PCDHGA1: variants seen among roughly 807,000 people sequenced by gnomAD.
The protein encoded by PCDHGA1 is protocadherin gamma subfamily A, 1, also known as protocadherin gamma-A1.
A neutral mutation model predicts 58.0 loss-of-function variants in PCDHGA1; 32 were observed. The observed-to-expected ratio is 0.55, with a 90% CI of 0.42 to 0.74. The LOEUF (loss-of-function observed/expected upper bound fraction) is 0.74, where lower values mean the gene tolerates loss of function less well. Among genes scored for constraint, PCDHGA1 ranks in the 30% least tolerant of loss-of-function variants. The pLI is 0.00. For synonymous variants in PCDHGA1, 498 were observed against 501.1 expected (o/e 0.99, Z 0.08); for missense variants, 1,205 against 1,182.3 (o/e 1.02, Z -0.28).
chr5:141,383,899 C>G (rs560928380), intron 1 of PCDHGA1: 10 of 1,613,958 alleles, frequency 6.2e-6, no homozygotes, highest in South Asian at 1.1e-5. Context: ...GGCAAAAGTA[C>G]TGATCACAGT....
intron 1 of PCDHGA1, among the ~76,000 whole-genome samples, chr5:141,406,857 A>T (rs1377435171): frequency 2.0e-5 from 3 of 152,244 alleles, no homozygotes; most frequent in Admixed American, 2.0e-4. Flanking sequence ...TTAAGAAAAT[A>T]TTCTCAGGAA....
chr5:141,414,377 C>T (rs2095740461), intron 1 of PCDHGA1: 1 of 1,613,760 alleles, frequency 6.2e-7, no homozygotes, highest in South Asian at 1.1e-5. Context: ...TTAGAAAAGT[C>T]CATTGACAGT....
chr5:141,368,187 G>A (rs80010247), intron 1 of PCDHGA1, among the ~76,000 whole-genome samples: 206 of 152,174 alleles, frequency 1.4e-3, no homozygotes, highest in African/African-American at 4.8e-3. Context: ...GACTAAATAA[G>A]GGGAAAAGGT....
chr5:141,371,202 G>A, intron 1 of PCDHGA1: 2 of 1,614,036 alleles, frequency 1.2e-6, no homozygotes, highest in Non-Finnish European at 1.7e-6. Flanking sequence ...CATTGACATG[G>A]ATGAGGGCAT....
In PCDHGA1 at chr5:141,512,470, T is replaced by G. The variant is rs2099884244; in HGVS notation, c.*1297T>G. On this transcript the variant is annotated 3_prime_UTR_variant, in exon 4 of 4. Transcript: ENST00000517417. ...TTCACCTTGCCAGGTGCCGTTTCTC[T>G]TCCGTGAAGGCCACTGCCCAGGTCC... 6.5e-6 allele frequency: 1 copy of G among 152,892 alleles called. No individual in the cohort carries two copies. The highest frequency in any genetic ancestry group is 2.1e-4 in the South Asian group (1 of 4,834). 9.5% of individuals were successfully genotyped at this position (152,892 alleles called of 1,614,324 possible).
chr5:141,503,372 G>A (rs1275544964), intron 2 of PCDHGA1, among the ~76,000 whole-genome samples: 1 of 151,968 alleles, frequency 6.6e-6, no homozygotes, highest in Non-Finnish European at 1.5e-5. Context: ...GGAGGCAGGT[G>A]GATCATGAGG....
rs1349189547 is a variant in PCDHGA1 at position 141,432,777 on chromosome 5, C to T, written c.2422-62030C>T. Reference sequence around the variant, plus strand: ...GCCGACAGCATCCCCCAAGTCCTGGCGGACCTCGGCAGCCTCGAGTCTCCA... The same window carrying T: ...GCCGACAGCATCCCCCAAGTCCTGGTGGACCTCGGCAGCCTCGAGTCTCCA... On this transcript the variant is annotated intron_variant, in intron 1 of 3. Coordinates refer to ENST00000517417, the MANE Select transcript of PCDHGA1 (RefSeq NM_018912.3). This position sits in a 1 kb window ranked among gnomAD's most constrained non-coding sequence, Gnocchi z 6.0. The T allele has an allele frequency of 6.2e-6, 10 of 1,614,154 alleles. No individual in the cohort carries two copies. The highest frequency in any genetic ancestry group is 7.6e-6 in the Non-Finnish European group (9 of 1,179,992).
At chr5:141,344,415 G>A (rs1757415188) in intron 1 of PCDHGA1, 2 of 1,612,288 alleles carry the variant, frequency 1.2e-6, no homozygotes, top group Non-Finnish European at 1.7e-6. Flanking sequence ...AGATATTAAT[G>A]ATAATGCTCC....
chr5:141,459,545 T>G (rs534173050), intron 1 of PCDHGA1, among the ~76,000 whole-genome samples: 81 of 152,348 alleles, frequency 5.3e-4, no homozygotes, highest in South Asian at 1.0e-3. Context: ...TTTTTTTATT[T>G]CTCTTGGATA....
At chr5:141,351,199 G>C (rs776609643) in intron 1 of PCDHGA1, 4 of 1,614,034 alleles carry the variant, frequency 2.5e-6, no homozygotes, top group Non-Finnish European at 3.4e-6. Context: ...GATATGTGTT[G>C]AGTGTGGAAG....
At chr5:141,368,452 C>G (rs75043959) in intron 1 of PCDHGA1, among the ~76,000 whole-genome samples, 11 of 151,980 alleles carry the variant, frequency 7.2e-5, no homozygotes, top group Middle Eastern at 3.4e-3. Context: ...ACAAACTCAC[C>G]GAATAGTGAA....
chr5:141,479,453 A>G (rs994349416), intron 1 of PCDHGA1: 1 of 152,266 alleles, frequency 6.6e-6, no homozygotes, highest in Non-Finnish European at 1.5e-5. Context: ...TAAGTTCAGC[A>G]TGAATACAGT....
At chr5:141,377,906 C>G (rs777974750) in intron 1 of PCDHGA1, 1 of 152,162 alleles carries the variant, frequency 6.6e-6, no homozygotes, top group East Asian at 1.9e-4. Context: ...GTTGCCCAGT[C>G]TGGAGTAAAA....
Position 141,332,593 on chromosome 5 carries a change from G to T in PCDHGA1, c.1909G>T (p.Ala637Ser). ...GGCGCGAGCCCTGCTGGACAGAGAC[G>T]CGCTCAAGCAGAGTCTCGTGGTGGC... is the stretch of plus-strand genomic sequence containing the variant. ...RTARALLDRD[A>S]LKQSLVVAVQ... Residue 637 changes from alanine to serine, a missense_variant, in exon 1 of 4, where the codon GCG becomes TCG. Ala to Ser is a moderately conservative substitution (Grantham distance 99). Transcript: ENST00000517417. The surrounding 1 kb of genome is among the most constrained non-coding windows in gnomAD (Gnocchi z 4.6). The T allele has an allele frequency of 1.9e-6, 3 of 1,612,822 alleles. No homozygotes were observed. Among genetic ancestry groups the T allele is most frequent in the Non-Finnish European group, 1.7e-6 (2 of 1,179,870 alleles).
At position 141,390,023 on chromosome 5, in the gene PCDHGA1, G is replaced by C. The variant is rs2092020127; in HGVS notation, c.2421+56918G>C. ...TGATTCTGGCCATTGCCTTGCGCCT[G>C]CGACGCTCCTCCAGCCCCGCCTCCT... On this transcript the variant is annotated intron_variant, in intron 1 of 3. Transcript: ENST00000517417. The C allele has an allele frequency of 1.9e-6, 3 of 1,613,908 alleles. No individual in the cohort carries two copies. In the African/African-American group the frequency reaches 4.0e-5, roughly 22 times the overall value.
intron 2 of PCDHGA1, among the ~76,000 whole-genome samples, chr5:141,500,739 C>T (rs1199462920): frequency 6.6e-6 from 1 of 152,114 alleles, no homozygotes; most frequent in Non-Finnish European, 1.5e-5. Context: ...CAAAATTCTT[C>T]CCAAGTCATT....
At chr5:141,376,366 A>G in intron 1 of PCDHGA1, 12 of 1,614,204 alleles carry the variant, frequency 7.4e-6, no homozygotes, top group South Asian at 1.1e-5. Flanking sequence ...CACTCACTGC[A>G]GACTCGCGTA....
intron 1 of PCDHGA1, chr5:141,419,231 C>G (rs1309708358): frequency 2.5e-6 from 4 of 1,614,026 alleles, no homozygotes; most frequent in Admixed American, 1.7e-5. Context: ...GTCAGCCTAC[C>G]TGGTCCACGT....
chr5:141,403,879 T>C (rs981085034), intron 1 of PCDHGA1: 19 of 1,613,692 alleles, frequency 1.2e-5, no homozygotes, highest in Non-Finnish European at 1.6e-5. Context: ...GTCTAGATTA[T>C]GAAGAATGTT....
Sources: allele counts gnomAD v4.1 joint callset (sites outside exome capture counted in the v4.1 genomes callset), GRCh38; gene constraint gnomAD v4.1.1; non-coding constraint Gnocchi (gnomAD v3.1); transcripts MANE v1.5; gene names NCBI Gene and HGNC (gene_info 2026-07-23, HGNC 2026-07-21).